Variants in OCA2 observed in about 807,000 individuals in gnomAD.
OCA2 encodes the protein OCA2 melanosomal transmembrane protein.
OCA2 carries 77 observed loss-of-function variants against 100.2 expected under a neutral mutation model. The ratio of observed to expected loss-of-function variants is 0.77; its 90% CI spans 0.64 to 0.93. OCA2 has a LOEUF of 0.93. Ranked by LOEUF, OCA2 falls within the 40% of genes least tolerant of loss-of-function variation. OCA2 has a pLI of 0.00. For missense variants in OCA2, 1,062 were observed against 1,089.1 expected, an observed-to-expected ratio of 0.98 and a Z score of 0.35; for synonymous variants, 432 against 439.2, an observed-to-expected ratio of 0.98 and a Z score of 0.21.
At chr15:27,800,243 A>G (rs987739314) in intron 23 of OCA2, among the ~76,000 whole-genome samples, 2 of 152,216 alleles carry the variant, frequency 1.3e-5, no homozygotes, top group African/African-American at 4.8e-5. Context: ...CTAAACATCT[A>G]TATTGAAAAA....
chr15:27,982,432 A>G (rs541149063), intron 14 of OCA2, among the ~76,000 whole-genome samples: 20 of 152,316 alleles, frequency 1.3e-4, no homozygotes, highest in Admixed American at 4.6e-4. Flanking sequence ...ACCACCTGAC[A>G]TGCTCCAGGG....
chr15:27,778,850 G>A (rs1299466371), intron 23 of OCA2, among the ~76,000 whole-genome samples: 1 of 152,132 alleles, frequency 6.6e-6, no homozygotes, highest in Non-Finnish European at 1.5e-5. Context: ...CCTTGCAGGA[G>A]GTAAAAAGAA....
intron 23 of OCA2, among the ~76,000 whole-genome samples, chr15:27,832,968 C>G (rs1397767659): frequency 1.7e-4 from 26 of 151,128 alleles, no homozygotes; most frequent in Non-Finnish European, 5.9e-5. Context: ...CATATGCCAC[C>G]ACGCCCAGCT....
intron 18 of OCA2, among the ~76,000 whole-genome samples, chr15:27,937,364 A>G (rs960422187): frequency 2.8e-4 from 43 of 152,174 alleles, no homozygotes; most frequent in African/African-American, 1.0e-3. Flanking sequence ...TGCTATGAGC[A>G]TTTTCAGAGA....
chr15:27,810,417 T>C (rs990259447), intron 23 of OCA2, among the ~76,000 whole-genome samples: 1 of 152,176 alleles, frequency 6.6e-6, no homozygotes, highest in African/African-American at 2.4e-5. Flanking sequence ...GAAGATAACC[T>C]TGGGAAAGCT....
At chr15:28,097,899 T>G (rs578157981) in intron 1 of OCA2, among the ~76,000 whole-genome samples, 1 of 152,306 alleles carries the variant, frequency 6.6e-6, no homozygotes, top group East Asian at 1.9e-4. Context: ...CCAGCCACAG[T>G]GATCTTTCCA....
At chr15:28,022,628 A>G in intron 5 of OCA2, 55 bp from the exon 6 acceptor site, 1 of 1,348,924 alleles carries the variant, frequency 7.4e-7, no homozygotes, top group Non-Finnish European at 1.1e-6. Flanking sequence ...GCAGTAAGGT[A>G]TAAATCATTT....
intron 9 of OCA2, among the ~76,000 whole-genome samples, chr15:28,000,703 A>T (rs2041898879): frequency 6.6e-6 from 1 of 152,182 alleles, no homozygotes; most frequent in African/African-American, 2.4e-5. Context: ...AATATTTGCA[A>T]ACCATATACC....
At chr15:28,063,904 T>C (rs2043950061) in intron 2 of OCA2, among the ~76,000 whole-genome samples, 1 of 152,266 alleles carries the variant, frequency 6.6e-6, no homozygotes, top group South Asian at 2.1e-4. Flanking sequence ...TTTTTCCTTA[T>C]GTGGATTTGA....
chr15:28,031,730 C>T, intron 3 of OCA2, among the ~76,000 whole-genome samples: 1 of 152,214 alleles, frequency 6.6e-6, no homozygotes, highest in East Asian at 1.9e-4. Flanking sequence ...CATCTCAGCC[C>T]TCAGTGTGAC....
At chr15:27,993,634 G>A (rs571299286) in intron 9 of OCA2, among the ~76,000 whole-genome samples, 18 of 152,180 alleles carry the variant, frequency 1.2e-4, no homozygotes, top group Non-Finnish European at 7.4e-5. Context: ...TAGCACCCTC[G>A]CTAAGTTTGC....
At chr15:27,884,687 G>C (rs1029930689) in intron 19 of OCA2, among the ~76,000 whole-genome samples, 1 of 152,168 alleles carries the variant, frequency 6.6e-6, no homozygotes, top group African/African-American at 2.4e-5. Flanking sequence ...CCATGAAAAA[G>C]AGATATTAGA....
At chr15:28,022,944 T>C (rs1435270918) in intron 5 of OCA2, among the ~76,000 whole-genome samples, 3 of 152,236 alleles carry the variant, frequency 2.0e-5, no homozygotes, top group South Asian at 2.1e-4. Context: ...AAGCACCTTA[T>C]ACACCATCAA....
intron 18 of OCA2, among the ~76,000 whole-genome samples, chr15:27,929,084 A>C (rs2039151567): frequency 6.6e-6 from 1 of 152,158 alleles, no homozygotes; most frequent in African/African-American, 2.4e-5. Context: ...GTCTTCTTTC[A>C]TTTTTCCTAA....
At chr15:27,743,387 A>G in the OCA2 span, among the ~76,000 whole-genome samples, 2 of 152,198 alleles carry the variant, frequency 1.3e-5, no homozygotes, top group African/African-American at 4.8e-5. Context: ...GGCTGCCAGG[A>G]GAAACATCAG....
intron 21 of OCA2, among the ~76,000 whole-genome samples, chr15:27,861,771 C>A (rs554862237): frequency 1.3e-5 from 2 of 152,094 alleles, no homozygotes; most frequent in Non-Finnish European, 2.9e-5. Flanking sequence ...GACTCCCTTT[C>A]GAAGTGTCTG....
At chr15:28,027,254 G>GT (rs2042780559) in intron 4 of OCA2, among the ~76,000 whole-genome samples, 2 of 152,072 alleles carry the variant, frequency 1.3e-5, no homozygotes, top group South Asian at 4.2e-4. Context: ...CACGCCCGCC[G>GT]TCCCCCTACG....
intron 19 of OCA2, among the ~76,000 whole-genome samples, chr15:27,892,675 A>C (rs539897694): frequency 6.6e-6 from 1 of 152,294 alleles, no homozygotes; most frequent in Non-Finnish European, 1.5e-5. Flanking sequence ...AGTAAAATGC[A>C]TCAAAAGAAA....
chr15:28,025,950 T>C (rs189148195), intron 4 of OCA2, among the ~76,000 whole-genome samples: 1 of 152,268 alleles, frequency 6.6e-6, no homozygotes, highest in Non-Finnish European at 1.5e-5. Context: ...TTTAATGAAT[T>C]TGATGAATAA....
Sources: allele counts gnomAD v4.1 joint callset (sites outside exome capture counted in the v4.1 genomes callset), GRCh38; gene constraint gnomAD v4.1.1; transcripts MANE v1.5; gene names NCBI Gene and HGNC (gene_info 2026-07-23, HGNC 2026-07-21).